The following ANO4 variants were observed in gnomAD, a reference collection of about 807,000 sequenced individuals.
ANO4 encodes the protein anoctamin 4.
ANO4 carries 69 observed loss-of-function variants against 141.9 expected under a neutral mutation model. That is an observed-to-expected ratio of 0.49 (90% CI 0.40 to 0.59). The LOEUF (loss-of-function observed/expected upper bound fraction) is 0.59, where lower values mean the gene tolerates loss of function less well. ANO4 is among the 20% of genes least tolerant of loss of function. The pLI, the probability that ANO4 is intolerant of heterozygous loss-of-function variation, is 0.00. For missense variants in ANO4, 894 were observed against 1,162.2 expected (o/e 0.77, Z 3.36); for synonymous variants, 350 against 394.3 (o/e 0.89, Z 1.33).
intron 1 of ANO4, among the ~76,000 whole-genome samples, chr12:100,894,482 A>G (rs892959307): frequency 6.6e-6 from 1 of 151,978 alleles, no homozygotes; most frequent in African/African-American, 2.4e-5. Flanking sequence ...AGCCCCTCCA[A>G]ACCTGTTTTC....
At chr12:100,974,105 T>G (rs2044050614) in intron 6 of ANO4, among the ~76,000 whole-genome samples, 1 of 152,256 alleles carries the variant, frequency 6.6e-6, no homozygotes, top group African/African-American at 2.4e-5. Context: ...ATAAAGAATC[T>G]AATACATGTA....
chr12:101,091,087 G>C (rs111319416), intron 17 of ANO4, among the ~76,000 whole-genome samples: 7,329 of 152,206 alleles, frequency 0.048, 257 homozygotes, highest in Non-Finnish European at 0.075. Context: ...ACACTCGAAA[G>C]CTAACACATA....
At chr12:100,991,246 A>G (rs548669682) in intron 8 of ANO4, among the ~76,000 whole-genome samples, 11 of 152,322 alleles carry the variant, frequency 7.2e-5, no homozygotes, top group African/African-American at 2.4e-4. Flanking sequence ...CAAATTGGAA[A>G]CAATTGTTGG....
chr12:101,103,790 C>T (rs1173453397), intron 22 of ANO4, among the ~76,000 whole-genome samples: 1 of 151,814 alleles, frequency 6.6e-6, no homozygotes, highest in African/African-American at 2.4e-5. Context: ...AAGCAGTTTA[C>T]ATAAGATTAC....
chr12:101,079,361 T>C, intron 15 of ANO4, 86 bp downstream of exon 15: 1 of 1,155,288 alleles, frequency 8.7e-7, no homozygotes. Flanking sequence ...CTCTCTGTTC[T>C]GTGACGGAAG....
intron 1 of ANO4, among the ~76,000 whole-genome samples, chr12:100,828,683 A>G (rs1360319130): frequency 1.3e-5 from 2 of 152,056 alleles, no homozygotes; most frequent in Non-Finnish European, 2.9e-5. Context: ...GGAATCAGAT[A>G]AAAGCAAAGG....
At position 101,092,801 on chromosome 12, in the gene ANO4, C is replaced by T. The variant is rs902276319; in HGVS notation, c.1702-1455C>T. 1.3e-4 allele frequency among the ~76,000 whole-genome samples: 19 copies of T among 151,962 alleles called. No individual in the cohort carries two copies. The South Asian group carries it at 2.5e-3, about 20-fold the overall frequency. On this transcript the variant is annotated intron_variant, in intron 17 of 27. Coordinates refer to ENST00000392977, the MANE Select transcript of ANO4 (RefSeq NM_001286615.2). ...TCCTCAGCTCCGAGGGCCTTTTAGACAAGTGTGCAAAGTGAGGTACTGTGA... is the reference window on the plus strand; with the variant it reads ...TCCTCAGCTCCGAGGGCCTTTTAGATAAGTGTGCAAAGTGAGGTACTGTGA...
At chr12:100,751,511 G>T (rs2032376899) in intron 3 of ANO4, among the ~76,000 whole-genome samples, 1 of 152,058 alleles carries the variant, frequency 6.6e-6, no homozygotes, top group African/African-American at 2.4e-5. Flanking sequence ...TGGAAACTAT[G>T]CAGTTTTTGT....
intron 1 of ANO4, among the ~76,000 whole-genome samples, chr12:100,842,893 A>G (rs1390070338): frequency 1.3e-5 from 2 of 152,152 alleles, no homozygotes; most frequent in Non-Finnish European, 2.9e-5. Context: ...AGTTTCAACA[A>G]GACTTTTGGA....
intron 1 of ANO4, among the ~76,000 whole-genome samples, chr12:100,886,413 C>T (rs1593636349): frequency 1.3e-5 from 2 of 152,146 alleles, no homozygotes; most frequent in East Asian, 1.9e-4. Flanking sequence ...TCACTGCTCA[C>T]GCATCTTAAA....
At chr12:100,868,912 A>G (rs1172803469) in intron 1 of ANO4, among the ~76,000 whole-genome samples, 2 of 152,236 alleles carry the variant, frequency 1.3e-5, no homozygotes, top group Admixed American at 6.5e-5. Context: ...TAAAAATTGT[A>G]AAAACCATTC....
At chr12:100,912,661 A>C (rs976729528) in intron 2 of ANO4, among the ~76,000 whole-genome samples, 3 of 152,186 alleles carry the variant, frequency 2.0e-5, no homozygotes, top group African/African-American at 7.2e-5. Context: ...CTGAAAATAG[A>C]CACTTTATTG....
chr12:100,803,327 C>G (rs1291081394), intron 1 of ANO4, among the ~76,000 whole-genome samples: 2 of 152,130 alleles, frequency 1.3e-5, no homozygotes, highest in African/African-American at 2.4e-5. Context: ...AGGAATTTCT[C>G]TTTGGGAGGA....
At chr12:100,930,797 A>G (rs2136135226) in intron 3 of ANO4, among the ~76,000 whole-genome samples, 1 of 152,250 alleles carries the variant, frequency 6.6e-6, no homozygotes, top group African/African-American at 2.4e-5. Context: ...AGTAAAATGT[A>G]TTTTTCCCCA....
chr12:100,923,723 C>T (rs1316747906), intron 3 of ANO4, among the ~76,000 whole-genome samples: 1 of 152,130 alleles, frequency 6.6e-6, no homozygotes, highest in Non-Finnish European at 1.5e-5. Context: ...CTGTCTTCCA[C>T]AATTGTTGAA....
chr12:100,747,951 A>G (rs2032188168), intron 3 of ANO4, among the ~76,000 whole-genome samples: 2 of 152,214 alleles, frequency 1.3e-5, no homozygotes, highest in South Asian at 4.1e-4. Context: ...TCATCAGGAA[A>G]GGAGTTGAGA....
intron 22 of ANO4, among the ~76,000 whole-genome samples, chr12:101,108,921 A>G (rs1368621581): frequency 6.6e-6 from 1 of 152,142 alleles, no homozygotes; most frequent in Non-Finnish European, 1.5e-5. Context: ...ACCTTATTTG[A>G]ATTTTGCATT....
chr12:101,083,750 G>C lies in ANO4; in HGVS notation c.1468G>C (p.Glu490Gln), dbSNP rs1161788000. Reference protein sequence around the residue: ...ERMNPISGKPEPYQAFTDKCS... With the variant: ...ERMNPISGKPQPYQAFTDKCS... ...GATGAATCCAATTTCTGGAAAGCCA[G>C]AACCTTATCAAGCATTTACAGATAA... Residue 490 changes from glutamate (E) to glutamine (Q), a missense_variant, in exon 16 of 28, where the codon GAA (glutamate) becomes CAA (glutamine). Glu to Gln is a conservative substitution (Grantham distance 29). Coordinates refer to ENST00000392977, the MANE Select transcript of ANO4 (RefSeq NM_001286615.2). 1.2e-6 allele frequency: 2 copies of C among 1,606,036 alleles called. No individual in the cohort carries two copies. Among genetic ancestry groups the C allele is most frequent in the Non-Finnish European group, 1.7e-6 (2 of 1,178,226 alleles).
At chr12:100,808,946 A>G (rs2035230848) in intron 1 of ANO4, among the ~76,000 whole-genome samples, 1 of 152,220 alleles carries the variant, frequency 6.6e-6, no homozygotes, top group Non-Finnish European at 1.5e-5. Flanking sequence ...ATTGTCTTAT[A>G]TTAATTCATT....
Sources: gnomAD v4.1 joint callset for allele counts (sites outside exome capture counted in the v4.1 genomes callset) on GRCh38, gnomAD v4.1.1 for gene constraint, MANE v1.5 for transcripts, NCBI Gene and HGNC (gene_info 2026-07-23, HGNC 2026-07-21) for gene names.